Variants in CAPRIN1 observed in about 807,000 individuals in gnomAD.
CAPRIN1 encodes cell cycle associated protein 1.
In CAPRIN1, 29 loss-of-function variants were observed where a neutral mutation model predicts 100.9. The ratio of observed to expected loss-of-function variants is 0.29; its 90% CI spans 0.21 to 0.39. The LOEUF (loss-of-function observed/expected upper bound fraction) is 0.39. CAPRIN1 is among the 10% of genes least tolerant of loss of function. The pLI is 1.00. For synonymous variants in CAPRIN1, 338 were observed against 307.5 expected (o/e 1.10, Z -1.04); for missense variants, 795 against 876.7 (o/e 0.91, Z 1.18).
At chr11:34,091,697 A>G (rs1851268553) in intron 14 of CAPRIN1, 1 of 439,100 alleles carries the variant, frequency 2.3e-6, no homozygotes, top group Non-Finnish European at 4.0e-6. Flanking sequence ...ACAGCATATT[A>G]TACTCCCCTT....
intron 9 of CAPRIN1, 37 bp from the exon 10 acceptor site, chr11:34,086,027 T>C (rs993950993): frequency 6.3e-7 from 1 of 1,598,386 alleles, no homozygotes. Flanking sequence ...GCTTTTTTGC[T>C]CTCCTATTCC....
At position 34,052,598 on chromosome 11, in the gene CAPRIN1, G is replaced by A. The variant is rs1449202276; in HGVS notation, c.178G>A (p.Val60Met). 1.9e-6 allele frequency: 3 copies of A among 1,611,094 alleles called. No homozygotes were observed. Among genetic ancestry groups the A allele is most frequent in the African/African-American group, 2.7e-5 (2 of 74,862 alleles). ...CGAGGCCATGAAGCAGATTCTCGGG[G>A]TGATCGACAAGAAACTTCGGAACCT... Reference protein sequence around the residue: ...QTEAMKQILGVIDKKLRNLEK... With the variant: ...QTEAMKQILGMIDKKLRNLEK... Residue 60 changes from valine (V) to methionine (M), a missense_variant, in exon 2 of 19, where the codon GTG becomes ATG. This residue lies in a region of CAPRIN1 where 38 missense variants were observed against 92.3 expected (regional missense o/e 0.41). Coordinates refer to ENST00000341394, the MANE Select transcript of CAPRIN1 (RefSeq NM_005898.5).
At chr11:34,091,412 G>C (rs1851262455) in intron 14 of CAPRIN1, among the ~76,000 whole-genome samples, 1 of 152,084 alleles carries the variant, frequency 6.6e-6, no homozygotes, top group African/African-American at 2.4e-5. Context: ...TCAGCCTTTG[G>C]AGTAGCTGAC....
chr11:34,081,566 T>A (rs1380099730), intron 7 of CAPRIN1, among the ~76,000 whole-genome samples: 2 of 151,932 alleles, frequency 1.3e-5, no homozygotes, highest in Non-Finnish European at 2.9e-5. Context: ...TGATCTTGGC[T>A]CACTGCAGTT....
At chr11:34,057,649 G>T (rs1474315352) in intron 2 of CAPRIN1, among the ~76,000 whole-genome samples, 7 of 152,008 alleles carry the variant, frequency 4.6e-5, no homozygotes, top group Admixed American at 3.9e-4. Context: ...TTTGCAAAAG[G>T]TTAAACTTAT....
chr11:34,074,976 T>C (rs973877065), intron 4 of CAPRIN1, among the ~76,000 whole-genome samples: 1 of 152,170 alleles, frequency 6.6e-6, no homozygotes, highest in Admixed American at 6.5e-5. Flanking sequence ...GGCCAGGAGT[T>C]CAAGACCCAA....
intron 2 of CAPRIN1, chr11:34,056,650 A>C (rs944966896): frequency 6.6e-6 from 1 of 152,184 alleles, no homozygotes; most frequent in African/African-American, 2.4e-5. Context: ...AGGCTATGCA[A>C]GATATTTCAA....
At chr11:34,066,931 A>ATTT (rs35440557) in intron 2 of CAPRIN1, among the ~76,000 whole-genome samples, 3 of 130,878 alleles carry the variant, frequency 2.3e-5, no homozygotes, top group African/African-American at 2.9e-5. Flanking sequence ...CACACCCAGC[A>ATTT]TTTTTTTTTT....
intron 6 of CAPRIN1, among the ~76,000 whole-genome samples, chr11:34,077,328 T>C (rs1419852792): frequency 1.3e-5 from 2 of 152,264 alleles, no homozygotes; most frequent in Non-Finnish European, 2.9e-5. Flanking sequence ...GCTGAAGTTT[T>C]GTGAAACAAT....
intron 4 of CAPRIN1, among the ~76,000 whole-genome samples, chr11:34,074,305 T>A (rs1850864749): frequency 6.7e-6 from 1 of 149,978 alleles, no homozygotes; most frequent in Admixed American, 6.6e-5. Flanking sequence ...TTGCTTCTCT[T>A]GTAACACTGG....
In CAPRIN1 at chr11:34,100,128, C is replaced by A. The variant is rs1851431919; in HGVS notation, c.*761C>A. The A allele has an allele frequency of 6.6e-6, 1 of 152,438 alleles. No homozygotes were observed. Among genetic ancestry groups the A allele is most frequent in the East Asian group, 1.9e-4 (1 of 5,196 alleles). 9.4% of individuals were successfully genotyped at this position (152,438 alleles called of 1,614,324 possible). On this transcript the variant is annotated 3_prime_UTR_variant, in exon 19 of 19. Transcript: ENST00000341394. ...GTACTTAATGTGAAATATTTAGATA[C>A]CTTTTTGAACACTTAACAGTTTCTT...
chr11:34,053,142 T>TC (rs1355424926), intron 2 of CAPRIN1: 2 of 988,388 alleles, frequency 2.0e-6, no homozygotes, highest in Non-Finnish European at 2.4e-6. Context: ...CTGTCGAGCG[T>TC]CCCCTCTTCT....
Position 34,052,613 on chromosome 11 carries a change from C to G in CAPRIN1, c.193C>G (p.Leu65Val). The change falls in exon 2 of 19, where the codon CTT (leucine) becomes GTT (valine). Residue 65 changes from leucine (L) to valine (V), a missense_variant. Around this residue, in one of 3 missense-constraint regions of CAPRIN1, gnomAD observed 38 missense variants for 92.3 expected, o/e 0.41. Coordinates refer to ENST00000341394, the MANE Select transcript of CAPRIN1 (RefSeq NM_005898.5). ...KQILGVIDKKLRNLEKKKGKL... is the reference protein window; with the variant it reads ...KQILGVIDKKVRNLEKKKGKL... ...GATTCTCGGGGTGATCGACAAGAAACTTCGGAACCTGGAGAAGAAAAAGGT... is the reference window on the plus strand; with the variant it reads ...GATTCTCGGGGTGATCGACAAGAAAGTTCGGAACCTGGAGAAGAAAAAGGT... The G allele has an allele frequency of 6.2e-7, 1 of 1,610,332 alleles. No individual in the cohort carries two copies. The highest frequency in any genetic ancestry group is 8.5e-7 in the Non-Finnish European group (1 of 1,178,744).
At chr11:34,054,939 C>T (rs555713259) in intron 2 of CAPRIN1, among the ~76,000 whole-genome samples, 2 of 151,926 alleles carry the variant, frequency 1.3e-5, no homozygotes, top group Admixed American at 1.3e-4. Context: ...AAAGATAACT[C>T]CTCAGAGAAG....
chr11:34,097,112 A>G (rs748650239), intron 16 of CAPRIN1, 84 bp from the exon 17 acceptor site: 9 of 900,934 alleles, frequency 1.0e-5, no homozygotes, highest in Non-Finnish European at 1.5e-5. Context: ...TATAATTTCT[A>G]GTTCTTCCCG....
chr11:34,080,696 G>T (rs1851011403), intron 7 of CAPRIN1, among the ~76,000 whole-genome samples: 1 of 152,206 alleles, frequency 6.6e-6, no homozygotes, highest in Non-Finnish European at 1.5e-5. Flanking sequence ...GAATCAGAGT[G>T]CCTGAATTTA....
In CAPRIN1 at chr11:34,080,024, C is replaced by T. The variant is rs574545905; in HGVS notation, c.826+259C>T. Among the ~76,000 whole-genome samples the T allele has an allele frequency of 5.3e-5, 8 of 150,662 alleles. No homozygotes were observed. In the East Asian group the frequency reaches 9.8e-4, roughly 18 times the overall value. The stretch of plus-strand genomic sequence containing the variant: ...CTGCAAGCTCCGCCTCCTGGGTTCA[C>T]GCCATTCTCCTGCCTCAGCCTCCTG... On this transcript the variant is annotated intron_variant, in intron 7 of 18. Transcript: ENST00000341394.
At chr11:34,064,260 T>C (rs1360500025) in intron 2 of CAPRIN1, among the ~76,000 whole-genome samples, 3 of 152,222 alleles carry the variant, frequency 2.0e-5, no homozygotes, top group Non-Finnish European at 4.4e-5. Flanking sequence ...CTTACCATTC[T>C]GTTCTTAGTA....
intron 17 of CAPRIN1, 113 bp from the exon 18 acceptor site, chr11:34,097,585 G>A: frequency 1.8e-6 from 2 of 1,139,748 alleles, no homozygotes; most frequent in South Asian, 2.7e-5. Context: ...AACTGATACT[G>A]AAGTGTCTAA....
Sources: allele counts gnomAD v4.1 joint callset (sites outside exome capture counted in the v4.1 genomes callset), GRCh38; gene constraint gnomAD v4.1.1; regional missense constraint gnomAD v4.1.1; transcripts MANE v1.5; gene names NCBI Gene and HGNC (gene_info 2026-07-23, HGNC 2026-07-21).